The following PCDHA3 variants were observed in gnomAD, a reference collection of about 807,000 sequenced individuals.
PCDHA3 encodes the protein protocadherin alpha-3.
PCDHA3 carries 41 observed loss-of-function variants against 62.2 expected under a neutral mutation model. That is an observed-to-expected ratio of 0.66 (90% confidence interval 0.51 to 0.86). The LOEUF is 0.86. PCDHA3 is among the 40% of genes least tolerant of loss of function. The pLI, the probability that PCDHA3 is intolerant of heterozygous loss-of-function variation, is 0.00. For missense variants in PCDHA3, 1,304 were observed against 1,241.2 expected, an observed-to-expected ratio of 1.05 and a Z score of -0.76; for synonymous variants, 640 against 555.4, an observed-to-expected ratio of 1.15 and a Z score of -2.14.
intron 1 of PCDHA3, chr5:140,836,822 T>C: frequency 9.7e-7 from 1 of 1,033,238 alleles, no homozygotes; most frequent in African/African-American, 1.6e-5. Flanking sequence ...ATAATTTCTT[T>C]TTTAGTTGAT....
chr5:140,843,317 C>G (rs2150357275), intron 1 of PCDHA3: 11 of 1,595,910 alleles, frequency 6.9e-6, no homozygotes, highest in African/African-American at 1.3e-5. Context: ...GGCCACGGTT[C>G]TGGTGTCGCT....
intron 1 of PCDHA3, chr5:140,836,156 G>T: frequency 6.2e-7 from 1 of 1,613,820 alleles, no homozygotes; most frequent in Non-Finnish European, 8.5e-7. Flanking sequence ...GCCATGTGGT[G>T]GCGAAGGTAC....
intron 1 of PCDHA3, among the ~76,000 whole-genome samples, chr5:140,885,154 T>C (rs1483016887): frequency 2.0e-5 from 3 of 152,168 alleles, no homozygotes; most frequent in African/African-American, 7.2e-5. Context: ...GTTTTGATTG[T>C]CTCTACTTTT....
At chr5:140,868,018 A>C (rs987390119) in intron 1 of PCDHA3, 14 of 152,136 alleles carry the variant, frequency 9.2e-5, no homozygotes, top group African/African-American at 3.1e-4. Context: ...GATTAAGGAA[A>C]CCAATGTTGG....
At chr5:140,853,825 C>A (rs1465584755) in intron 1 of PCDHA3, 1 of 986,448 alleles carries the variant, frequency 1.0e-6, no homozygotes, top group Non-Finnish European at 1.2e-6. Flanking sequence ...GATTCTCATA[C>A]AACCGAAATT....
At chr5:140,998,196 C>T (rs960565673) in intron 3 of PCDHA3, among the ~76,000 whole-genome samples, 2 of 152,164 alleles carry the variant, frequency 1.3e-5, no homozygotes, top group African/African-American at 4.8e-5. Flanking sequence ...CAAGTATTAA[C>T]TCCTTTAATC....
chr5:140,999,801 G>T (rs1271249129), intron 3 of PCDHA3, among the ~76,000 whole-genome samples: 1 of 152,112 alleles, frequency 6.6e-6, no homozygotes, highest in Admixed American at 6.5e-5. Flanking sequence ...GTTATTTTGG[G>T]CACAAAGCAA....
chr5:140,962,245 T>C (rs2095666561), intron 1 of PCDHA3, among the ~76,000 whole-genome samples: 1 of 152,170 alleles, frequency 6.6e-6, no homozygotes, highest in Non-Finnish European at 1.5e-5. Context: ...ACCATTTTCT[T>C]CAATGAAAAA....
At chr5:140,883,756 G>A (rs1404911116) in intron 1 of PCDHA3, 7 of 1,612,950 alleles carry the variant, frequency 4.3e-6, no homozygotes, top group Non-Finnish European at 5.1e-6. Flanking sequence ...CGCTGGTGGA[G>A]CGGCGGGTGG....
intron 1 of PCDHA3, chr5:140,884,510 T>G: frequency 6.2e-7 from 1 of 1,613,982 alleles, no homozygotes; most frequent in Non-Finnish European, 8.5e-7. Flanking sequence ...GGCAGGGAGT[T>G]GGTCGTACTC....
rs1049748990 is a variant in PCDHA3 at position 140,844,585 on chromosome 5, G to A, written c.2394+40994G>A. Among the ~76,000 whole-genome samples the A allele has an allele frequency of 2.7e-5, 4 of 149,128 alleles. 1 individual carries two copies. Among genetic ancestry groups the A allele is most frequent in the Non-Finnish European group, 6.0e-5 (4 of 66,698 alleles). ...TTTCAATAATATTCCACATTAAAGT[G>A]ATATTTAATATATGACTTAGAAAAA... On this transcript the variant is annotated intron_variant, in intron 1 of 3. Coordinates refer to ENST00000522353, the MANE Select transcript of PCDHA3 (RefSeq NM_018906.3).
intron 1 of PCDHA3, among the ~76,000 whole-genome samples, chr5:140,937,626 A>G (rs2091639486): frequency 6.6e-6 from 1 of 150,782 alleles, no homozygotes; most frequent in Non-Finnish European, 1.5e-5. Context: ...AAAAAGAAAA[A>G]GAAAGGCAGG....
chr5:140,870,748 A>G lies in PCDHA3; in HGVS notation c.2394+67157A>G, dbSNP rs782462608. ...CGTGCCGCCTCTGAGCAGCAACGTG[A>G]CGCTGCAGGTGTTCGTGCTGGACGA... On this transcript the variant is annotated intron_variant, in intron 1 of 3. Transcript: ENST00000522353. The G allele has an allele frequency of 1.9e-6, 3 of 1,613,510 alleles. No individual in the cohort carries two copies. In the South Asian group the frequency reaches 3.3e-5, roughly 18 times the overall value.
At chr5:140,899,204 C>T (rs1286752140) in intron 1 of PCDHA3, among the ~76,000 whole-genome samples, 2 of 151,972 alleles carry the variant, frequency 1.3e-5, no homozygotes, top group African/African-American at 4.8e-5. Context: ...CCTAATTGCC[C>T]TGGCCAGAAC....
chr5:140,907,083 G>T (rs770380704), intron 1 of PCDHA3, among the ~76,000 whole-genome samples: 56 of 152,144 alleles, frequency 3.7e-4, no homozygotes, highest in Non-Finnish European at 7.1e-4. Context: ...AGGGGTGATG[G>T]TAAGTGGTGC....
At position 140,802,386 on chromosome 5, in the gene PCDHA3, CT is replaced by C. The variant is rs782412251; in HGVS notation, c.1190del (p.Leu397ArgfsTer29). On this transcript the variant is annotated frameshift_variant, in exon 1 of 4. Coordinates refer to ENST00000522353, the MANE Select transcript of PCDHA3 (RefSeq NM_018906.3). LOFTEE classifies it high-confidence loss of function. ...GCTGACGCCCCACGTCCCCTTCAAG[CT>C]GGTGTCCACCTTCAAGAATTACTAC... ...CSLTPHVPFKLVSTFKNYYSL... is the reference protein window; with the variant it reads ...CSLTPHVPFKXVSTFKNYYSL... The C allele has an allele frequency of 4.3e-5, 69 of 1,614,152 alleles. No individual in the cohort carries two copies. The highest frequency in any genetic ancestry group is 5.7e-5 in the Non-Finnish European group (67 of 1,180,050).
rs782355791 is a variant in PCDHA3, at chr5:140,982,576, G to A, written c.2542+13G>A. The A allele has an allele frequency of 5.6e-6, 9 of 1,613,152 alleles. No homozygotes were observed. In the Admixed American group the frequency reaches 6.7e-5, roughly 12 times the overall value. ...AGTGCAACACCAGGTAAAGAGCTGG[G>A]GTCTCTCCATTCTTTCTTGGTTTCT... On this transcript the variant is annotated intron_variant, in intron 3 of 3. Transcript: ENST00000522353.
At chr5:140,929,015 A>C (rs1563111690) in intron 1 of PCDHA3, 3 of 1,614,016 alleles carry the variant, frequency 1.9e-6, no homozygotes, top group African/African-American at 1.3e-5. Flanking sequence ...ACCAAGTTGC[A>C]CCAGAGCCCA....
At position 140,821,912 on chromosome 5, in the gene PCDHA3, G is replaced by T. The variant is rs2150111896; in HGVS notation, c.2394+18321G>T. The T allele has an allele frequency of 4.8e-5, 77 of 1,614,108 alleles. No homozygotes were observed. The highest frequency in any genetic ancestry group is 6.4e-5 in the Non-Finnish European group (76 of 1,180,052). On this transcript the variant is annotated intron_variant, in intron 1 of 3. Coordinates refer to ENST00000522353, the MANE Select transcript of PCDHA3 (RefSeq NM_018906.3). ...GCCAAACACGGAACCTTCGTTGGCC[G>T]CATCGCGCAGGACCTAGGGCTGGAG...
Sources: allele counts gnomAD v4.1 joint callset (sites outside exome capture counted in the v4.1 genomes callset), GRCh38; gene constraint gnomAD v4.1.1; transcripts MANE v1.5; gene names NCBI Gene and HGNC (gene_info 2026-07-23, HGNC 2026-07-21).